Variants in EHBP1 observed in about 807,000 individuals in gnomAD.
The protein encoded by EHBP1 is EH domain binding protein 1, also known as EH domain-binding protein 1.
EHBP1 carries 55 observed loss-of-function variants against 144.0 expected under a neutral mutation model. The ratio of observed to expected loss-of-function variants is 0.38; its 90% CI spans 0.31 to 0.48. The LOEUF (loss-of-function observed/expected upper bound fraction) is 0.48. Ranked by LOEUF, EHBP1 falls within the 20% of genes least tolerant of loss-of-function variation. The probability of loss-of-function intolerance (pLI) is 0.98; values close to 1 mark genes in which losing one functional copy is unlikely to be tolerated. For missense variants in EHBP1, 1,200 were observed against 1,364.2 expected, an observed-to-expected ratio of 0.88 and a Z score of 1.90; for synonymous variants, 469 against 472.7, an observed-to-expected ratio of 0.99 and a Z score of 0.10.
chr2:62,726,963 A>C (rs2036862470), intron 2 of EHBP1, among the ~76,000 whole-genome samples: 1 of 152,060 alleles, frequency 6.6e-6, no homozygotes, highest in Non-Finnish European at 1.5e-5. Flanking sequence ...CCCAGGTTCA[A>C]GCAATTCTCC....
intron 3 of EHBP1, among the ~76,000 whole-genome samples, chr2:62,760,311 A>G (rs1250486213): frequency 1.3e-5 from 2 of 152,206 alleles, no homozygotes; most frequent in Admixed American, 1.3e-4. Context: ...GTCTTAACTC[A>G]GCCAGGTTGT....
At chr2:62,699,298 CA>C (rs1163353357) in intron 1 of EHBP1, among the ~76,000 whole-genome samples, 1 of 152,128 alleles carries the variant, frequency 6.6e-6, no homozygotes, top group Non-Finnish European at 1.5e-5. Context: ...TATAATTTGC[CA>C]AAGGCTCTTA....
chr2:62,922,596 C>T (rs946982158), intron 10 of EHBP1, among the ~76,000 whole-genome samples: 2 of 152,178 alleles, frequency 1.3e-5, no homozygotes. Flanking sequence ...GCAGGAATGA[C>T]ATCAGCAAGA....
chr2:62,893,942 G>A (rs1439842814), intron 10 of EHBP1, among the ~76,000 whole-genome samples: 3 of 151,898 alleles, frequency 2.0e-5, no homozygotes, highest in African/African-American at 4.8e-5. Flanking sequence ...CTAGTAGGGA[G>A]ACTGAGGCAG....
At chr2:62,794,902 G>C (rs2043429846) in intron 5 of EHBP1, among the ~76,000 whole-genome samples, 1 of 151,986 alleles carries the variant, frequency 6.6e-6, no homozygotes, top group Non-Finnish European at 1.5e-5. Context: ...TACCACGTGT[G>C]TATTTAAATA....
At chr2:62,840,947 C>G (rs541539666) in intron 7 of EHBP1, among the ~76,000 whole-genome samples, 262 of 152,246 alleles carry the variant, frequency 1.7e-3, no homozygotes, top group African/African-American at 6.2e-3. Flanking sequence ...CCTCAGGGAT[C>G]TAGAACTAGA....
intron 2 of EHBP1, among the ~76,000 whole-genome samples, chr2:62,710,468 T>A (rs896547869): frequency 6.6e-6 from 1 of 151,374 alleles, no homozygotes; most frequent in African/African-American, 2.4e-5. Context: ...TATTTTAGTT[T>A]CTTATTTTTC....
intron 10 of EHBP1, among the ~76,000 whole-genome samples, chr2:62,890,735 A>G (rs2052389540): frequency 6.6e-6 from 1 of 152,230 alleles, no homozygotes. Context: ...AGTCCTAGTC[A>G]GGGCAGTCAG....
At chr2:62,797,743 A>G (rs995145342) in intron 5 of EHBP1, among the ~76,000 whole-genome samples, 1 of 152,220 alleles carries the variant, frequency 6.6e-6, no homozygotes, top group Non-Finnish European at 1.5e-5. Flanking sequence ...ACAGTAGTAG[A>G]ACTGTTGATA....
chr2:62,745,790 T>C (rs559510882), intron 2 of EHBP1, among the ~76,000 whole-genome samples: 2 of 152,158 alleles, frequency 1.3e-5, no homozygotes, highest in South Asian at 2.1e-4. Context: ...CTGGACAGCA[T>C]AGGCCTTGTT....
intron 3 of EHBP1, among the ~76,000 whole-genome samples, chr2:62,761,715 T>A (rs2040784063): frequency 6.6e-6 from 1 of 152,212 alleles, no homozygotes; most frequent in Non-Finnish European, 1.5e-5. Context: ...TGTCTTATTG[T>A]ATACTGTTAA....
At chr2:62,861,075 T>C (rs2152800387) in intron 8 of EHBP1, among the ~76,000 whole-genome samples, 1 of 151,634 alleles carries the variant, frequency 6.6e-6, no homozygotes, top group East Asian at 1.9e-4. Context: ...TTATTCTTTT[T>C]TTGCTTTTAC....
intron 5 of EHBP1, among the ~76,000 whole-genome samples, chr2:62,772,779 C>T (rs1257250964): frequency 2.6e-5 from 4 of 152,208 alleles, no homozygotes; most frequent in Non-Finnish European, 4.4e-5. Context: ...TTATAACAGG[C>T]TTATCACATG....
At chr2:62,801,211 C>T (rs574991406) in intron 5 of EHBP1, among the ~76,000 whole-genome samples, 66 of 152,314 alleles carry the variant, frequency 4.3e-4, no homozygotes, top group African/African-American at 1.5e-3. Flanking sequence ...ATTCACTATG[C>T]AAATTACCGA....
At chr2:62,755,290 A>C (rs1231240796) in intron 3 of EHBP1, among the ~76,000 whole-genome samples, 2 of 152,100 alleles carry the variant, frequency 1.3e-5, no homozygotes, top group Non-Finnish European at 2.9e-5. Context: ...GCTTGACATA[A>C]CGTTTTTGAG....
chr2:62,822,682 T>A (rs2046068762), intron 5 of EHBP1, among the ~76,000 whole-genome samples: 1 of 152,182 alleles, frequency 6.6e-6, no homozygotes. Context: ...TCCAGCAGTA[T>A]AAGAGAGTTT....
intron 10 of EHBP1, among the ~76,000 whole-genome samples, chr2:62,935,342 A>ATAT (rs1326810452): frequency 4.7e-5 from 6 of 127,102 alleles, no homozygotes; most frequent in South Asian, 2.4e-4. Context: ...AAAAAAAAAA[A>ATAT]AAATATATAT....
intron 3 of EHBP1, among the ~76,000 whole-genome samples, chr2:62,754,947 A>G (rs1011774134): frequency 1.3e-5 from 2 of 152,176 alleles, no homozygotes; most frequent in Admixed American, 6.5e-5. Context: ...GGGTGAGGCA[A>G]TGCCTTGCCC....
chr2:62,866,345 A>C (rs1423641488), intron 9 of EHBP1, among the ~76,000 whole-genome samples: 2 of 152,236 alleles, frequency 1.3e-5, no homozygotes, highest in Non-Finnish European at 2.9e-5. Context: ...ACTGTATGAC[A>C]GCCAATCAAA....
Sources: gnomAD v4.1 joint callset for allele counts (sites outside exome capture counted in the v4.1 genomes callset) on GRCh38, gnomAD v4.1.1 for gene constraint, MANE v1.5 for transcripts, NCBI Gene and HGNC (gene_info 2026-07-23, HGNC 2026-07-21) for gene names.